Variants in MELK observed in about 807,000 individuals in gnomAD.
MELK encodes the protein maternal embryonic leucine zipper kinase, also known as pEg3 kinase.
A neutral mutation model predicts 85.0 loss-of-function variants in MELK; 81 were observed. That is an observed-to-expected ratio of 0.95 (90% CI 0.80 to 1.15). MELK has a LOEUF of 1.15. Among genes scored for constraint, MELK ranks in the 50% most tolerant of loss-of-function variants. MELK has a pLI of 0.00. For missense variants in MELK, 754 were observed against 777.5 expected (o/e 0.97, Z 0.36); for synonymous variants, 252 against 265.0 (o/e 0.95, Z 0.48).
At chr9:36,670,215 A>G (rs1587632251) in intron 15 of MELK, among the ~76,000 whole-genome samples, 1 of 152,342 alleles carries the variant, frequency 6.6e-6, no homozygotes, top group South Asian at 2.1e-4. Context: ...ATGTGTATAT[A>G]TGTGGTTGAA....
In MELK at chr9:36,581,659, C is replaced by T; in HGVS notation, c.-23C>T. The T allele has an allele frequency of 6.5e-7, 1 of 1,526,780 alleles. No homozygotes were observed. Among genetic ancestry groups the T allele is most frequent in the African/African-American group, 1.4e-5 (1 of 72,718 alleles). The allele number at this position is 1,526,780 out of a possible 1,614,324, so 94.6% of individuals were successfully genotyped here. On this transcript the variant is annotated 5_prime_UTR_variant, in exon 2 of 18. Coordinates refer to ENST00000298048, the MANE Select transcript of MELK (RefSeq NM_014791.4). The stretch of plus-strand genomic sequence containing the variant: ...TGTCTTCTAGGTTCTTTTTCTAATT[C>T]CAAATAAACTTGCAAGAGGACTATG...
intron 14 of MELK, 42 bp downstream of exon 14, chr9:36,665,623 C>T: frequency 6.8e-7 from 1 of 1,480,498 alleles, no homozygotes; most frequent in Non-Finnish European, 9.3e-7. Flanking sequence ...TTTCATTTTT[C>T]TTACCATGTT....
chr9:36,590,814 G>T (rs1293745594), intron 4 of MELK, among the ~76,000 whole-genome samples: 1 of 152,112 alleles, frequency 6.6e-6, no homozygotes, highest in Non-Finnish European at 1.5e-5. Context: ...GTCCTCTCAT[G>T]CCTATAATCC....
intron 13 of MELK, among the ~76,000 whole-genome samples, chr9:36,664,915 C>T (rs1832189617): frequency 6.6e-6 from 1 of 152,270 alleles, no homozygotes; most frequent in South Asian, 2.1e-4. Flanking sequence ...CAAGCTCAAC[C>T]ATAAATTTAA....
At chr9:36,593,458 G>C (rs188380062) in intron 4 of MELK, among the ~76,000 whole-genome samples, 1 of 152,214 alleles carries the variant, frequency 6.6e-6, no homozygotes, top group Non-Finnish European at 1.5e-5. Flanking sequence ...CCAACTGTGA[G>C]CAACAGAACC....
chr9:36,630,028 A>G (rs1828369652), intron 8 of MELK: 1 of 281,248 alleles, frequency 3.6e-6, no homozygotes, highest in Non-Finnish European at 6.7e-6. Flanking sequence ...TATTTTTAGT[A>G]GAGACAGTGT....
chr9:36,649,653 C>T (rs192546451), intron 11 of MELK, among the ~76,000 whole-genome samples: 6 of 152,080 alleles, frequency 3.9e-5, no homozygotes, highest in South Asian at 4.2e-4. Context: ...CCTGTAATCC[C>T]GGGTACTCGG....
Position 36,597,594 on chromosome 9 carries a change from AC to A in MELK, c.474+306del, listed in dbSNP as rs1824433489. Reference sequence around the variant, plus strand: ...CTATTACAGCAAGAATGCTGACTTGACCAGTGCTTGCAGTTTGAGTATATTG... The same window carrying A: ...CTATTACAGCAAGAATGCTGACTTGACAGTGCTTGCAGTTTGAGTATATTG... On this transcript the variant is annotated intron_variant, in intron 6 of 17. Coordinates refer to ENST00000298048, the MANE Select transcript of MELK (RefSeq NM_014791.4). Among the ~76,000 whole-genome samples, 3 of 152,152 alleles carry A rather than the reference AC, an allele frequency of 2.0e-5. No individual in the cohort carries two copies. In the South Asian group the frequency reaches 6.2e-4, roughly 31 times the overall value.
At chr9:36,618,270 G>A (rs888884403) in intron 8 of MELK, among the ~76,000 whole-genome samples, 6 of 151,948 alleles carry the variant, frequency 3.9e-5, no homozygotes, top group Middle Eastern at 3.2e-3. Flanking sequence ...TTTTCTGGTC[G>A]TGGTGGTGCA....
chr9:36,624,410 G>A (rs1012342107), intron 8 of MELK, among the ~76,000 whole-genome samples: 2 of 152,132 alleles, frequency 1.3e-5, no homozygotes, highest in Non-Finnish European at 2.9e-5. Context: ...CAGAGAGATT[G>A]AATAACTCTT....
intron 8 of MELK, among the ~76,000 whole-genome samples, chr9:36,625,110 C>G (rs139331442): frequency 6.6e-6 from 1 of 152,116 alleles, no homozygotes; most frequent in African/African-American, 2.4e-5. Flanking sequence ...AGAGAGTAAG[C>G]AGCAAACGGC....
At chr9:36,587,888 A>G (rs1201167566) in intron 3 of MELK, among the ~76,000 whole-genome samples, 1 of 149,914 alleles carries the variant, frequency 6.7e-6, no homozygotes, top group East Asian at 2.0e-4. Flanking sequence ...CAGCCTTTCA[A>G]GTAGCTGGGA....
intron 2 of MELK, among the ~76,000 whole-genome samples, chr9:36,582,619 A>G (rs1344230182): frequency 6.6e-6 from 1 of 152,216 alleles, no homozygotes; most frequent in East Asian, 1.9e-4. Flanking sequence ...ACACATATAT[A>G]TGTATACACA....
chr9:36,636,348 C>A (rs977424624), intron 10 of MELK, among the ~76,000 whole-genome samples: 19 of 151,852 alleles, frequency 1.3e-4, no homozygotes, highest in Middle Eastern at 3.4e-3. Flanking sequence ...AGTAAAAATA[C>A]AAAATCAGCT....
chr9:36,616,025 CCCG>C (rs1826723931), intron 8 of MELK, among the ~76,000 whole-genome samples: 1 of 152,132 alleles, frequency 6.6e-6, no homozygotes, highest in Admixed American at 6.5e-5. Context: ...GCCCTCGGGC[CCCG>C]CGGGGCCCGT....
chr9:36,600,046 T>C (rs964318357), intron 7 of MELK, among the ~76,000 whole-genome samples: 1 of 152,178 alleles, frequency 6.6e-6, no homozygotes, highest in Non-Finnish European at 1.5e-5. Flanking sequence ...CAGGAAGTGC[T>C]CAAACAGGTT....
At chr9:36,632,667 A>G (rs753552258) in intron 9 of MELK, among the ~76,000 whole-genome samples, 5 of 152,216 alleles carry the variant, frequency 3.3e-5, no homozygotes, top group Non-Finnish European at 7.3e-5. Flanking sequence ...GAAAATTACA[A>G]ATGGAAAGGT....
chr9:36,586,496 T>C (rs918717833), intron 3 of MELK, among the ~76,000 whole-genome samples: 1 of 152,220 alleles, frequency 6.6e-6, no homozygotes, highest in Non-Finnish European at 1.5e-5. Context: ...CAATTCAGGC[T>C]TTCCTCCAGT....
At chr9:36,647,298 C>T (rs914279933) in intron 11 of MELK, among the ~76,000 whole-genome samples, 1 of 152,144 alleles carries the variant, frequency 6.6e-6, no homozygotes, top group Non-Finnish European at 1.5e-5. Flanking sequence ...TAGCCATTGT[C>T]TCTAGTCAGT....
Sources: allele counts gnomAD v4.1 joint callset (sites outside exome capture counted in the v4.1 genomes callset), GRCh38; gene constraint gnomAD v4.1.1; transcripts MANE v1.5; gene names NCBI Gene and HGNC (gene_info 2026-07-23, HGNC 2026-07-21).